IGDCC4: variants seen among roughly 807,000 people sequenced by gnomAD.
The protein encoded by IGDCC4 is likely ortholog of mouse neighbor of Punc E11.
In IGDCC4, 72 loss-of-function variants were observed where a neutral mutation model predicts 116.6. The observed-to-expected ratio is 0.62, with a 90% CI of 0.51 to 0.75. The LOEUF (loss-of-function observed/expected upper bound fraction) is 0.75, where lower values mean the gene tolerates loss of function less well. Ranked by LOEUF, IGDCC4 falls within the 30% of genes least tolerant of loss-of-function variation. The pLI is 0.00. For synonymous variants in IGDCC4, 709 were observed against 719.9 expected (o/e 0.98, Z 0.24); for missense variants, 1,501 against 1,662.4 (o/e 0.90, Z 1.69).
Position 65,422,785 on chromosome 15 carries a change from G to A in IGDCC4, c.70+8C>T. The A allele has an allele frequency of 1.5e-6, 2 of 1,325,216 alleles. No individual in the cohort carries two copies. Among genetic ancestry groups the A allele is most frequent in the Admixed American group, 3.8e-5 (1 of 26,450 alleles). The allele number at this position is 1,325,216 out of a possible 1,614,324, so 82.1% of individuals were successfully genotyped here. ...GTCGCTCCTGCCTCTCCGGGCGCCC[G>A]CCCTTACCGCGCGCGGCCAACAGGC... On this transcript the variant is annotated splice_region_variant and intron_variant, in intron 1 of 19. Transcript: ENST00000352385.
Position 65,389,368 on chromosome 15 carries a change from T to G in IGDCC4, c.2452A>C (p.Lys818Gln). Residue 818 changes from lysine (K) to glutamine (Q), a missense_variant, in exon 14 of 20, where the codon AAA becomes CAA. Around this residue, in one of 3 missense-constraint regions of IGDCC4, gnomAD observed 235 missense variants for 328.0 expected, o/e 0.72. Transcript: ENST00000352385. ...TGAGACTGCACTGCAAACTCGTATT[T>G]GGTGAATGGCTTCAAGCCGCCAATG... ...ILIGGLKPFTKYEFAVQSHGV... is the reference protein window; with the variant it reads ...ILIGGLKPFTQYEFAVQSHGV... 1 of 1,614,168 alleles carries G rather than the reference T, an allele frequency of 6.2e-7. No homozygotes were observed. The highest frequency in any genetic ancestry group is 1.6e-4 in the Middle Eastern group (1 of 6,062).
chr15:65,392,872 C>G (rs2062880797), intron 10 of IGDCC4, among the ~76,000 whole-genome samples: 1 of 151,910 alleles, frequency 6.6e-6, no homozygotes, highest in Non-Finnish European at 1.5e-5. Context: ...TCCTTGCAAC[C>G]CTCTAAAATA....
At chr15:65,416,506 C>T (rs1004761348) in intron 1 of IGDCC4, among the ~76,000 whole-genome samples, 3 of 152,146 alleles carry the variant, frequency 2.0e-5, no homozygotes, top group Non-Finnish European at 2.9e-5. Context: ...GTGTGGCTCC[C>T]ATACCACCAA....
In IGDCC4 at chr15:65,422,876, GGCC is replaced by G. The variant is rs958636007; in HGVS notation, c.-17_-15del. 2.5e-4 allele frequency: 279 copies of G among 1,101,964 alleles called. No homozygotes were observed. Among genetic ancestry groups the G allele is most frequent in the Middle Eastern group, 7.7e-4 (2 of 2,596 alleles). The allele number at this position is 1,101,964 out of a possible 1,614,324, so 68.3% of individuals were successfully genotyped here. ...CCCCCGCGCCATGGGGCTGGGCTCG[GGCC>G]GCCGCCGCCGCCGCCGCCTCCCCGT... On this transcript the variant is annotated 5_prime_UTR_variant, in exon 1 of 20. Coordinates refer to ENST00000352385, the MANE Select transcript of IGDCC4 (RefSeq NM_020962.3).
intron 3 of IGDCC4, among the ~76,000 whole-genome samples, chr15:65,405,140 G>T (rs11071844): frequency 7.6e-6 from 1 of 131,932 alleles, no homozygotes; most frequent in South Asian, 2.5e-4. Flanking sequence ...GGGGGGGGGG[G>T]AGTAAAAAAA....
Position 65,396,858 on chromosome 15 carries a change from C to T in IGDCC4, c.973G>A (p.Ala325Thr). ...CCCAGCACACGGAGCTCAGCGGCTG[C>T]AGTGGCGAAGTCGCGCGTGCGGGGC... ...NKPRTRDFAT[A>T]AAELRVLAAP... is the part of the protein sequence containing the mutation. Residue 325 changes from alanine (A) to threonine (T), a missense_variant, in exon 6 of 20, where the codon GCA becomes ACA. Ala to Thr is a moderately conservative substitution (Grantham distance 58). Around this residue, in one of 3 missense-constraint regions of IGDCC4, gnomAD observed 898 missense variants for 978.9 expected, o/e 0.92. Coordinates refer to ENST00000352385, the MANE Select transcript of IGDCC4 (RefSeq NM_020962.3). 6.3e-7 allele frequency: 1 copy of T among 1,575,786 alleles called. No homozygotes were observed. Among genetic ancestry groups the T allele is most frequent in the Non-Finnish European group, 8.6e-7 (1 of 1,160,874 alleles).
At chr15:65,399,094 C>A (rs377357569) in intron 5 of IGDCC4, among the ~76,000 whole-genome samples, 13 of 152,022 alleles carry the variant, frequency 8.6e-5, no homozygotes, top group South Asian at 4.2e-4. Context: ...AGCAGGGGAC[C>A]TTGTTAAGAT....
intron 1 of IGDCC4, among the ~76,000 whole-genome samples, chr15:65,416,478 A>G (rs1369458887): frequency 1.3e-5 from 2 of 152,090 alleles, no homozygotes; most frequent in African/African-American, 4.8e-5. Context: ...TAACACAGCA[A>G]TATTTGTTTT....
rs888972879 is a variant in IGDCC4, at chr15:65,394,469, G to T, written c.1656C>A (p.Pro552=). Residue 552 remains proline (P), a synonymous_variant, in exon 9 of 20, where the codon CCC becomes CCA. Transcript: ENST00000352385. The stretch of plus-strand genomic sequence containing the variant: ...TCACCACCTGCCCATTGCTCAGGCT[G>T]GGGGGCAGGGGCAGCCACGCCACCC... ...DIRVAWLPLP[P]SLSNGQVVKY... 5 of 1,613,890 alleles carry T rather than the reference G, an allele frequency of 3.1e-6. No individual in the cohort carries two copies. Among genetic ancestry groups the T allele is most frequent in the Non-Finnish European group, 2.5e-6 (3 of 1,179,928 alleles).
intron 1 of IGDCC4, among the ~76,000 whole-genome samples, chr15:65,418,059 C>T (rs1301805566): frequency 6.6e-6 from 1 of 152,168 alleles, no homozygotes; most frequent in African/African-American, 2.4e-5. Flanking sequence ...AAGACATCCT[C>T]AAAAAGATAA....
In IGDCC4 at chr15:65,392,312, T is replaced by C; in HGVS notation, c.1944A>G (p.Ser648=). Residue 648 remains serine, a synonymous_variant, in exon 11 of 20, where the codon TCA becomes TCG. Coordinates refer to ENST00000352385, the MANE Select transcript of IGDCC4 (RefSeq NM_020962.3). The part of the protein sequence containing the change: ...VQAKMESLVV[S]WQPPPHPTQI... Reference sequence around the variant, plus strand: ...GGGTGGGGTGAGGGGGTGGCTGCCATGACACGACCAGGGACTCCATCTTTG... The same window carrying C: ...GGGTGGGGTGAGGGGGTGGCTGCCACGACACGACCAGGGACTCCATCTTTG... 1.3e-6 allele frequency: 2 copies of C among 1,591,936 alleles called. No individual in the cohort carries two copies. The highest frequency in any genetic ancestry group is 1.7e-6 in the Non-Finnish European group (2 of 1,166,088).
chr15:65,389,943 G>A (rs546550452), intron 13 of IGDCC4, among the ~76,000 whole-genome samples: 8 of 152,244 alleles, frequency 5.3e-5, no homozygotes, highest in East Asian at 1.9e-4. Flanking sequence ...GTGAGGGGAC[G>A]GGATTGGATG....
chr15:65,386,071 GAC>G lies in IGDCC4; in HGVS notation c.2952-14_2952-13del. On this transcript the variant is annotated splice_polypyrimidine_tract_variant and intron_variant, in intron 17 of 19. Transcript: ENST00000352385. ...CTGGGAGGGATTCCCTGGAAGGGAA[GAC>G]GGAAAACAAGGCATAGCGGTCAGAG... 6.8e-7 allele frequency: 1 copy of G among 1,467,134 alleles called. No individual in the cohort carries two copies. Among genetic ancestry groups the G allele is most frequent in the Non-Finnish European group, 9.1e-7 (1 of 1,101,278 alleles). 90.9% of individuals were successfully genotyped at this position (1,467,134 alleles called of 1,614,324 possible). A position where few individuals can be genotyped will look rare whatever the true frequency, so the allele number is the denominator to read the frequency against.
At chr15:65,410,915 G>T in intron 2 of IGDCC4, 105 bp downstream of exon 2, 2 of 847,940 alleles carry the variant, frequency 2.4e-6, no homozygotes, top group Non-Finnish European at 3.6e-6. Flanking sequence ...AGGGGGAGTG[G>T]GATCAAGAGA....
rs2063077139 is a variant in IGDCC4, at chr15:65,410,207, C to T, written c.534G>A (p.Lys178=). The part of the protein sequence containing the change: ...GLPAPIITWE[K]DQVTLPEEPR... ...GCTCCTCAGGCAATGTCACCTGGTC[C>T]TTCTCCCAAGTAATGATGGGAGCTG... Residue 178 remains lysine, a synonymous_variant, in exon 3 of 20, where the codon AAG becomes AAA. Transcript: ENST00000352385. The T allele has an allele frequency of 1.2e-6, 2 of 1,613,592 alleles. No homozygotes were observed. Among genetic ancestry groups the T allele is most frequent in the African/African-American group, 1.3e-5 (1 of 74,914 alleles).
chr15:65,394,261 G>C, intron 9 of IGDCC4, 150 bp downstream of exon 9: 1 of 1,283,938 alleles, frequency 7.8e-7, no homozygotes, highest in Non-Finnish European at 1.1e-6. Context: ...TTCCTGCCCA[G>C]ACCCCTGTTT....
chr15:65,383,987 AAACCACATCCTCT>A lies in IGDCC4; in HGVS notation c.*9_*21del. 1 of 1,551,492 alleles carries A rather than the reference AAACCACATCCTCT, an allele frequency of 6.4e-7. No homozygotes were observed. The highest frequency in any genetic ancestry group is 8.7e-7 in the Non-Finnish European group (1 of 1,144,256). On this transcript the variant is annotated 3_prime_UTR_variant, in exon 20 of 20. Transcript: ENST00000352385. ...TATGTGATCCATACCTGCCTGCCCC[AAACCACATCCTCT>A]GGGAAGAGCTAGGCAGAGGAGGAGA...
rs572909024 is a variant in IGDCC4, at chr15:65,407,543, A to G, written c.563+2635T>C. On this transcript the variant is annotated intron_variant, in intron 3 of 19. Transcript: ENST00000352385. ...ATTTTGGTACAGACGGGGTTTCACC[A>G]TGTTGGCCAGGCTGGTCTTGAACTC... Among the ~76,000 whole-genome samples the G allele has an allele frequency of 1.2e-4, 18 of 151,810 alleles. No individual in the cohort carries two copies. The East Asian group carries it at 2.1e-3, about 18-fold the overall frequency.
At chr15:65,417,154 C>A (rs773536645) in intron 1 of IGDCC4, among the ~76,000 whole-genome samples, 3 of 152,180 alleles carry the variant, frequency 2.0e-5, no homozygotes, top group Non-Finnish European at 2.9e-5. Context: ...ACGACACCAT[C>A]ACCATTCTCC....
Sources: allele counts gnomAD v4.1 joint callset (sites outside exome capture counted in the v4.1 genomes callset), GRCh38; gene constraint gnomAD v4.1.1; regional missense constraint gnomAD v4.1.1; transcripts MANE v1.5; gene names NCBI Gene and HGNC (gene_info 2026-07-23, HGNC 2026-07-21).